PMFBP1: variants seen among roughly 807,000 people sequenced by gnomAD.
The protein encoded by PMFBP1 is polyamine-modulated factor 1-binding protein 1.
In PMFBP1, 131 loss-of-function variants were observed where a neutral mutation model predicts 137.8. The ratio of observed to expected loss-of-function variants is 0.95; its 90% CI spans 0.82 to 1.10. PMFBP1 has a LOEUF of 1.10. Ranked by LOEUF, PMFBP1 falls within the 50% of genes least tolerant of loss-of-function variation. The pLI, the probability that PMFBP1 is intolerant of heterozygous loss-of-function variation, is 0.00. For missense variants in PMFBP1, 1,199 were observed against 1,175.4 expected (o/e 1.02, Z -0.29); for synonymous variants, 490 against 450.4 (o/e 1.09, Z -1.11).
chr16:72,244,490 C>T, the PMFBP1 span, among the ~76,000 whole-genome samples: 56 of 152,288 alleles, frequency 3.7e-4, no homozygotes, highest in East Asian at 8.7e-3. Flanking sequence ...CTCCCCTCTC[C>T]CTGCTTTCTC....
chr16:72,154,137 T>C (rs2042946367), intron 4 of PMFBP1, 74 bp downstream of exon 4: 1 of 1,560,060 alleles, frequency 6.4e-7, no homozygotes. Context: ...CAGCGTCTGC[T>C]TTCTAGTGGG....
the PMFBP1 span, among the ~76,000 whole-genome samples, chr16:72,247,593 G>C: frequency 6.6e-6 from 1 of 152,140 alleles, no homozygotes; most frequent in Non-Finnish European, 1.5e-5. Context: ...CAGTGACAAG[G>C]TGCAATGTGG....
the PMFBP1 span, among the ~76,000 whole-genome samples, chr16:72,237,012 C>T: frequency 9.2e-5 from 14 of 152,286 alleles, no homozygotes; most frequent in Admixed American, 3.3e-4. Flanking sequence ...AAACTCAAAA[C>T]ACTGGATCTC....
At chr16:72,235,512 T>C in the PMFBP1 span, among the ~76,000 whole-genome samples, 24 of 151,698 alleles carry the variant, frequency 1.6e-4, no homozygotes, top group African/African-American at 4.8e-4. Context: ...TTTTTTTGCA[T>C]TTCTGTATGC....
intron 2 of PMFBP1, among the ~76,000 whole-genome samples, chr16:72,170,913 G>T (rs1260641375): frequency 6.6e-6 from 1 of 152,066 alleles, no homozygotes; most frequent in Non-Finnish European, 1.5e-5. Context: ...ATATTTTCTA[G>T]ATAAGGCAAA....
At chr16:72,213,712 T>C in the PMFBP1 span, among the ~76,000 whole-genome samples, 4 of 152,232 alleles carry the variant, frequency 2.6e-5, no homozygotes, top group Non-Finnish European at 5.9e-5. Flanking sequence ...CTGCAATGTT[T>C]TGGGGACAAT....
In PMFBP1 at chr16:72,123,635, G is replaced by C; in HGVS notation, c.2604C>G (p.Pro868=). The change falls in exon 18 of 21, where the codon CCC becomes CCG. Residue 868 remains proline (P), a synonymous_variant. Transcript: ENST00000237353. The part of the protein sequence containing the change: ...LEDDKEPCCL[P]QWSVPKDTCR... Reference sequence around the variant, plus strand: ...AGGTGTCTTTGGGCACAGACCACTGGGGCAGGCAGCAGGGCTTGGGTACAA... The same window carrying C: ...AGGTGTCTTTGGGCACAGACCACTGCGGCAGGCAGCAGGGCTTGGGTACAA... 2 of 1,613,866 alleles carry C rather than the reference G, an allele frequency of 1.2e-6. No individual in the cohort carries two copies. Among genetic ancestry groups the C allele is most frequent in the Non-Finnish European group, 1.7e-6 (2 of 1,179,814 alleles).
chr16:72,133,032 G>C lies in PMFBP1; in HGVS notation c.1204-41C>G, dbSNP rs761933916. The C allele has an allele frequency of 9.3e-6, 15 of 1,605,394 alleles. No homozygotes were observed. The African/African-American group carries it at 2.0e-4, about 21-fold the overall frequency. ...TGCAAATGCTGGGAAAGGTCTGAGTGGCAGTGGGTGAAGGCAATGAGAGGT... is the reference window on the plus strand; with the variant it reads ...TGCAAATGCTGGGAAAGGTCTGAGTCGCAGTGGGTGAAGGCAATGAGAGGT... On this transcript the variant is annotated intron_variant, in intron 9 of 20. Coordinates refer to ENST00000237353, the MANE Select transcript of PMFBP1 (RefSeq NM_031293.3).
At chr16:72,201,966 A>T in the PMFBP1 span, among the ~76,000 whole-genome samples, 1 of 152,208 alleles carries the variant, frequency 6.6e-6, no homozygotes, top group Non-Finnish European at 1.5e-5. Flanking sequence ...TGGAATTTTC[A>T]CATTACTTTA....
chr16:72,176,376 CTT>C (rs946845705), upstream of PMFBP1, among the ~76,000 whole-genome samples: 2 of 152,216 alleles, frequency 1.3e-5, no homozygotes, highest in Non-Finnish European at 2.9e-5. Flanking sequence ...CATCCATACT[CTT>C]TATTTTCCTT....
the PMFBP1 span, among the ~76,000 whole-genome samples, chr16:72,182,030 A>T: frequency 6.6e-6 from 1 of 152,234 alleles, no homozygotes; most frequent in African/African-American, 2.4e-5. Flanking sequence ...GTGTTGGGCC[A>T]CATTCGGAGC....
At position 72,164,864 on chromosome 16, in the gene PMFBP1, A is replaced by T; in HGVS notation, c.65T>A (p.Leu22Gln). 12 of 1,609,670 alleles carry T rather than the reference A, an allele frequency of 7.5e-6. No individual in the cohort carries two copies. Among genetic ancestry groups the T allele is most frequent in the Non-Finnish European group, 1.0e-5 (12 of 1,176,278 alleles). Reference protein sequence around the residue: ...VSSLNSKLLSLQLDIKNLHDV... With the variant: ...VSSLNSKLLSQQLDIKNLHDV... ...GTGCAGATTCTTGATGTCAAGTTGC[A>T]GGCTTAACAGCTTGCTGTTCAGGCT... Residue 22 changes from leucine (L) to glutamine (Q), a missense_variant, in exon 3 of 21, where the codon CTG (leucine) becomes CAG (glutamine). Physicochemically the swap from Leu to Gln is moderately radical, Grantham distance 113. Coordinates refer to ENST00000237353, the MANE Select transcript of PMFBP1 (RefSeq NM_031293.3).
chr16:72,213,914 T>C, the PMFBP1 span, among the ~76,000 whole-genome samples: 1 of 152,188 alleles, frequency 6.6e-6, no homozygotes, highest in Non-Finnish European at 1.5e-5. Context: ...GGCTCCACAG[T>C]GAACAGTATT....
the PMFBP1 span, among the ~76,000 whole-genome samples, chr16:72,248,349 T>C: frequency 6.6e-6 from 1 of 152,286 alleles, no homozygotes; most frequent in Middle Eastern, 3.4e-3. Flanking sequence ...CCTAAGAATA[T>C]GACTACCAGC....
intron 5 of PMFBP1, among the ~76,000 whole-genome samples, chr16:72,149,040 T>C (rs2042858959): frequency 1.3e-5 from 2 of 152,204 alleles, no homozygotes; most frequent in South Asian, 4.1e-4. Flanking sequence ...GCAGCTCGAC[T>C]TCTTCCTTTG....
chr16:72,138,112 T>A (rs904224173), intron 7 of PMFBP1, among the ~76,000 whole-genome samples: 1 of 151,732 alleles, frequency 6.6e-6, no homozygotes, highest in African/African-American at 2.4e-5. Context: ...AAAAATGGAG[T>A]CTTATGAGAT....
the PMFBP1 span, among the ~76,000 whole-genome samples, chr16:72,226,549 G>C: frequency 1.3e-5 from 2 of 152,228 alleles, no homozygotes; most frequent in East Asian, 3.9e-4. Context: ...CAGACACATT[G>C]CCAAAAGCTT....
intron 3 of PMFBP1, 186 bp downstream of exon 3, chr16:72,164,578 G>C (rs2043115636): frequency 8.1e-7 from 1 of 1,238,568 alleles, no homozygotes; most frequent in Middle Eastern, 1.9e-4. Flanking sequence ...CCTGAAGGCA[G>C]GACTGGCATT....
Position 72,122,936 on chromosome 16 carries a change from C to CA in PMFBP1, c.2745dup (p.Ala916CysfsTer112). On this transcript the variant is annotated frameshift_variant, in exon 19 of 21. Coordinates refer to ENST00000237353, the MANE Select transcript of PMFBP1 (RefSeq NM_031293.3). LOFTEE classifies it high-confidence loss of function. ...TACTCCTTTTCGCCACTCAGCTTGG[C>CA]AATGTATTTCACCTGCTCTCGGAGC... is the stretch of plus-strand genomic sequence containing the variant. 1 of 1,613,474 alleles carries CA rather than the reference C, an allele frequency of 6.2e-7. No homozygotes were observed. The highest frequency in any genetic ancestry group is 8.5e-7 in the Non-Finnish European group (1 of 1,179,974).
Sources: gnomAD v4.1 joint callset for allele counts (sites outside exome capture counted in the v4.1 genomes callset) on GRCh38, gnomAD v4.1.1 for gene constraint, MANE v1.5 for transcripts, NCBI Gene and HGNC (gene_info 2026-07-23, HGNC 2026-07-21) for gene names.